Variants in CCDC39 observed in about 807,000 individuals in gnomAD.
CCDC39 encodes coiled-coil domain-containing protein 39.
In CCDC39, 113 loss-of-function variants were observed where a neutral mutation model predicts 121.0. The ratio of observed to expected loss-of-function variants is 0.93; its 90% CI spans 0.80 to 1.09. The LOEUF is 1.09. Ranked by LOEUF, CCDC39 falls within the 50% of genes least tolerant of loss-of-function variation. CCDC39 has a pLI of 0.00. For missense variants in CCDC39, 1,063 were observed against 1,074.7 expected, an observed-to-expected ratio of 0.99 and a Z score of 0.15; for synonymous variants, 349 against 352.2, an observed-to-expected ratio of 0.99 and a Z score of 0.10.
At position 180,668,943 on chromosome 3, in the gene CCDC39, C is replaced by A. The variant is rs1349061286; in HGVS notation, c.91-4957G>T. On this transcript the variant is annotated intron_variant, in intron 1 of 19. Transcript: ENST00000476379. ...ATGTTTTGTGCTACACTGAGGAATG[C>A]CTTTCCCAGATTATTTTAAAAGTCT... Among the ~76,000 whole-genome samples, 5 of 152,112 alleles carry A rather than the reference C, an allele frequency of 3.3e-5. No homozygotes were observed. The East Asian group carries it at 9.6e-4, about 29-fold the overall frequency.
intron 15 of CCDC39, 106 bp from the exon 16 acceptor site, chr3:180,619,471 T>C (rs1717363181): frequency 1.5e-6 from 1 of 675,608 alleles, no homozygotes; most frequent in Non-Finnish European, 2.5e-6. Context: ...AAAGTTTAAA[T>C]TTTTTATATC....
intron 13 of CCDC39, among the ~76,000 whole-genome samples, chr3:180,638,355 T>C (rs1421998919): frequency 6.6e-6 from 1 of 152,126 alleles, no homozygotes; most frequent in Admixed American, 6.6e-5. Context: ...GGAGAATAAA[T>C]ATATGTATTA....
At chr3:180,636,380 T>C (rs1241641485) in intron 13 of CCDC39, among the ~76,000 whole-genome samples, 2 of 151,518 alleles carry the variant, frequency 1.3e-5, no homozygotes, top group African/African-American at 2.4e-5. Flanking sequence ...ATAAAATACC[T>C]AGGAATACAG....
chr3:180,647,234 TG>T lies in CCDC39; in HGVS notation c.1371del (p.His457GlnfsTer12). The T allele has an allele frequency of 6.3e-7, 1 of 1,593,010 alleles. No homozygotes were observed. The highest frequency in any genetic ancestry group is 8.5e-7 in the Non-Finnish European group (1 of 1,171,952). On this transcript the variant is annotated frameshift_variant, in exon 11 of 20. Coordinates refer to ENST00000476379, the MANE Select transcript of CCDC39 (RefSeq NM_181426.2). LOFTEE classifies it high-confidence loss of function. ...QQEIMYSQDF[H>X]IQQVERRMSR... ...GACATTCTCCGTTCCACTTGTTGAATGTGAAAATCCTGTTACAGTTTAAAAA... is the reference window on the plus strand; with the variant it reads ...GACATTCTCCGTTCCACTTGTTGAATTGAAAATCCTGTTACAGTTTAAAAA...
At position 180,630,282 on chromosome 3, in the gene CCDC39, G is replaced by C. The variant is rs796818194; in HGVS notation, c.1998+1187C>G. 1.3e-4 allele frequency among the ~76,000 whole-genome samples: 20 copies of C among 152,232 alleles called. 2 individuals carry two copies. The highest frequency in any genetic ancestry group is 4.8e-4 in the African/African-American group (20 of 41,542). The stretch of plus-strand genomic sequence containing the variant: ...CAGGAACTTTTAAAACCTGAGAGGA[G>C]AAAAGTCCTGTTTGGGCAGAAGCCT... On this transcript the variant is annotated intron_variant, in intron 14 of 19. Coordinates refer to ENST00000476379, the MANE Select transcript of CCDC39 (RefSeq NM_181426.2).
At position 180,654,851 on chromosome 3, in the gene CCDC39, T is replaced by C. The variant is rs376352893; in HGVS notation, c.841A>G (p.Lys281Glu). The change falls in exon 7 of 20, where the codon AAA becomes GAA. Residue 281 changes from lysine (K) to glutamate (E), a missense_variant. Coordinates refer to ENST00000476379, the MANE Select transcript of CCDC39 (RefSeq NM_181426.2). ...SEIGNNTEFE[K>E]RISVADRKLL... ...TTACGATCAGCCACAGAAATTCTTT[T>C]CTCAAACTCTGTGTTATTCCCAATC... The C allele has an allele frequency of 2.5e-5, 40 of 1,609,414 alleles. No homozygotes were observed. Among genetic ancestry groups the C allele is most frequent in the Admixed American group, 1.7e-5 (1 of 59,400 alleles).
At position 180,642,000 on chromosome 3, in the gene CCDC39, T is replaced by A; in HGVS notation, c.1867A>T (p.Asn623Tyr). 6.3e-7 allele frequency: 1 copy of A among 1,578,556 alleles called. No homozygotes were observed. The highest frequency in any genetic ancestry group is 2.3e-5 in the East Asian group (1 of 43,948). ...TTTAAAACTGAAAATTACCTTATGT[T>A]TTCCCGTTCTTGATCAACATATCTT... The part of the protein sequence containing the change: ...QIRYVDQERE[N>Y]ISTEFRERLS... The change falls in exon 13 of 20, where the codon AAC (asparagine) becomes TAC (tyrosine). Residue 623 changes from asparagine (N) to tyrosine (Y), a missense_variant. Physicochemically the swap from Asn to Tyr is moderately radical, Grantham distance 143. Coordinates refer to ENST00000476379, the MANE Select transcript of CCDC39 (RefSeq NM_181426.2).
chr3:180,673,668 C>T (rs771728381), intron 1 of CCDC39, among the ~76,000 whole-genome samples: 1 of 152,022 alleles, frequency 6.6e-6, no homozygotes, highest in Non-Finnish European at 1.5e-5. Context: ...GAAGGTAAGC[C>T]TACACAAGAA....
intron 13 of CCDC39, among the ~76,000 whole-genome samples, chr3:180,636,823 G>A (rs1408554893): frequency 6.8e-6 from 1 of 148,018 alleles, no homozygotes; most frequent in Non-Finnish European, 1.5e-5. Context: ...AAAACTATCA[G>A]TGGGGAATGG....
rs1717177203 is a variant in CCDC39, at chr3:180,615,023, C to T, written c.2724G>A (p.Glu908=). 1 of 1,558,066 alleles carries T rather than the reference C, an allele frequency of 6.4e-7. No homozygotes were observed. The highest frequency in any genetic ancestry group is 8.7e-7 in the Non-Finnish European group (1 of 1,150,030). The change falls in exon 20 of 20, where the codon GAG becomes GAA. Residue 908 remains glutamate, a synonymous_variant. Coordinates refer to ENST00000476379, the MANE Select transcript of CCDC39 (RefSeq NM_181426.2). ...GTGAAGAGGAGGCCGGGAATTTAAG[C>T]TCCAGTACTTTAATTGAAGACTGAG... ...STSQSSIKVL[E]LKFPASSSLV... is the part of the protein sequence containing the mutation.
chr3:180,645,972 A>G (rs1288132277), intron 11 of CCDC39, among the ~76,000 whole-genome samples: 1 of 152,104 alleles, frequency 6.6e-6, no homozygotes, highest in Non-Finnish European at 1.5e-5. Flanking sequence ...CTAACATTCT[A>G]TACCATTCTC....
chr3:180,648,117 C>G, intron 10 of CCDC39, 48 bp downstream of exon 10: 1 of 1,454,326 alleles, frequency 6.9e-7, no homozygotes. Flanking sequence ...TTGACCATCA[C>G]AACTGTAATA....
intron 10 of CCDC39, 39 bp downstream of exon 10, chr3:180,648,126 T>G (rs372233684): frequency 6.7e-7 from 1 of 1,501,330 alleles, no homozygotes; most frequent in Non-Finnish European, 9.2e-7. Context: ...ACAACTGTAA[T>G]AAATCAATAT....
At chr3:180,640,342 GT>G (rs762253462) in intron 13 of CCDC39, among the ~76,000 whole-genome samples, 2 of 151,590 alleles carry the variant, frequency 1.3e-5, no homozygotes, top group East Asian at 1.9e-4. Context: ...TACTTAGAGG[GT>G]TTTTTTTACT....
chr3:180,618,665 T>C (rs1717339083), intron 16 of CCDC39, among the ~76,000 whole-genome samples: 1 of 152,150 alleles, frequency 6.6e-6, no homozygotes, highest in Non-Finnish European at 1.5e-5. Context: ...GTGTTTGGTT[T>C]TTTGTCCTTG....
rs771944752 is a variant in CCDC39 at position 180,615,010 on chromosome 3, C to A, written c.2737G>T (p.Ala913Ser). Residue 913 changes from alanine (A) to serine (S), a missense_variant, in exon 20 of 20, where the codon GCC (alanine) becomes TCC (serine). Physicochemically the swap from Ala to Ser is moderately conservative, Grantham distance 99. Transcript: ENST00000476379. ...SIKVLELKFPASSSLVGSPSR... is the reference protein window; with the variant it reads ...SIKVLELKFPSSSSLVGSPSR... ...GGGCTGCCTACTAGTGAAGAGGAGG[C>A]CGGGAATTTAAGCTCCAGTACTTTA... The A allele has an allele frequency of 6.4e-7, 1 of 1,560,412 alleles. No homozygotes were observed. The highest frequency in any genetic ancestry group is 1.2e-5 in the South Asian group (1 of 84,410).
At chr3:180,656,792 A>C (rs2108427370) in intron 6 of CCDC39, among the ~76,000 whole-genome samples, 1 of 152,342 alleles carries the variant, frequency 6.6e-6, no homozygotes, top group African/African-American at 2.4e-5. Flanking sequence ...TTATATGCTA[A>C]TTATGATGCA....
chr3:180,622,426 G>C (rs1717452296), intron 14 of CCDC39, among the ~76,000 whole-genome samples: 1 of 152,044 alleles, frequency 6.6e-6, no homozygotes, highest in Non-Finnish European at 1.5e-5. Context: ...TGATTGCTGT[G>C]GTTAGGACTT....
chr3:180,618,498 C>A (rs967847503), intron 16 of CCDC39, among the ~76,000 whole-genome samples: 2 of 151,814 alleles, frequency 1.3e-5, no homozygotes, highest in African/African-American at 4.8e-5. Flanking sequence ...TGTTGGTGTG[C>A]TGCACCCATT....
Sources: gnomAD v4.1 joint callset for allele counts (sites outside exome capture counted in the v4.1 genomes callset) on GRCh38, gnomAD v4.1.1 for gene constraint, MANE v1.5 for transcripts, NCBI Gene and HGNC (gene_info 2026-07-23, HGNC 2026-07-21) for gene names.